Variants in MAGI2 observed in about 807,000 individuals in gnomAD.
The protein encoded by MAGI2 is membrane associated guanylate kinase, WW and PDZ domain containing 2.
In MAGI2, 35 loss-of-function variants were observed where a neutral mutation model predicts 133.3. That is an observed-to-expected ratio of 0.26 (90% CI 0.20 to 0.35). The LOEUF is 0.35. Ranked by LOEUF, MAGI2 falls within the 10% of genes least tolerant of loss-of-function variation. The pLI, the probability that MAGI2 is intolerant of heterozygous loss-of-function variation, is 1.00. For synonymous variants in MAGI2, 729 were observed against 710.6 expected, an observed-to-expected ratio of 1.03 and a Z score of -0.41; for missense variants, 1,636 against 1,863.4, an observed-to-expected ratio of 0.88 and a Z score of 2.25.
intron 1 of MAGI2, among the ~76,000 whole-genome samples, chr7:79,296,132 C>T (rs1836911862): frequency 6.6e-6 from 1 of 152,160 alleles, no homozygotes. Flanking sequence ...ATTGTGGCAT[C>T]TCTAAAAAGA....
chr7:79,233,914 A>G (rs1173845207), intron 1 of MAGI2, among the ~76,000 whole-genome samples: 4 of 151,176 alleles, frequency 2.6e-5, no homozygotes, highest in Non-Finnish European at 4.4e-5. Flanking sequence ...TTTTGGCTTG[A>G]TTTTGCAGCG....
intron 3 of MAGI2, among the ~76,000 whole-genome samples, chr7:78,595,243 G>T (rs1355830128): frequency 6.6e-6 from 1 of 152,084 alleles, no homozygotes; most frequent in Non-Finnish European, 1.5e-5. Flanking sequence ...TTGCCATGCT[G>T]CTTGGAGTCA....
intron 21 of MAGI2, among the ~76,000 whole-genome samples, chr7:78,047,289 G>A (rs77768279): frequency 2.5e-4 from 38 of 152,308 alleles, no homozygotes; most frequent in African/African-American, 8.9e-4. Flanking sequence ...TATGTATTTG[G>A]TCAGCTGTCT....
chr7:78,361,197 C>G (rs1197279099), intron 7 of MAGI2, among the ~76,000 whole-genome samples: 1 of 152,098 alleles, frequency 6.6e-6, no homozygotes, highest in East Asian at 1.9e-4. Context: ...AGTTCAAGAC[C>G]AGCCCGGCCA....
intron 2 of MAGI2, among the ~76,000 whole-genome samples, chr7:78,988,568 T>A (rs183095091): frequency 6.6e-6 from 1 of 152,262 alleles, no homozygotes; most frequent in African/African-American, 2.4e-5. Flanking sequence ...AAGCCCTGTG[T>A]TATTTTGCAG....
At chr7:78,742,254 G>C (rs11766208) in intron 2 of MAGI2, among the ~76,000 whole-genome samples, 3 of 151,988 alleles carry the variant, frequency 2.0e-5, no homozygotes, top group Non-Finnish European at 4.4e-5. Flanking sequence ...GGCCTAAAAA[G>C]GTTACCAATC....
At chr7:78,228,752 A>C (rs895005655) in intron 10 of MAGI2, among the ~76,000 whole-genome samples, 3 of 152,224 alleles carry the variant, frequency 2.0e-5, no homozygotes, top group African/African-American at 7.2e-5. Context: ...ACACTCATTA[A>C]ATATAATGTA....
chr7:78,998,015 T>C (rs1412945391), intron 2 of MAGI2, among the ~76,000 whole-genome samples: 2 of 152,302 alleles, frequency 1.3e-5, no homozygotes, highest in East Asian at 3.9e-4. Context: ...TCTCATTATG[T>C]TTATTTTCCC....
chr7:78,105,306 G>A (rs1330375388), intron 20 of MAGI2, among the ~76,000 whole-genome samples: 1 of 151,990 alleles, frequency 6.6e-6, no homozygotes, highest in Non-Finnish European at 1.5e-5. Context: ...AAACATTGCT[G>A]TTACAGACAT....
chr7:78,226,576 C>T (rs1789410537), intron 10 of MAGI2, among the ~76,000 whole-genome samples: 1 of 152,188 alleles, frequency 6.6e-6, no homozygotes, highest in Admixed American at 6.5e-5. Flanking sequence ...GTAATTGCCT[C>T]GGCCTACGTG....
chr7:78,071,375 A>G (rs1814676651), intron 21 of MAGI2, among the ~76,000 whole-genome samples: 1 of 152,126 alleles, frequency 6.6e-6, no homozygotes. Context: ...GTCTCTACTA[A>G]AAATACAAAA....
At chr7:78,745,250 A>G (rs544120246) in intron 2 of MAGI2, among the ~76,000 whole-genome samples, 1 of 152,284 alleles carries the variant, frequency 6.6e-6, no homozygotes, top group Admixed American at 6.5e-5. Flanking sequence ...AAAATGTACC[A>G]CAATGCCCAC....
intron 4 of MAGI2, among the ~76,000 whole-genome samples, chr7:78,504,728 A>AT (rs1222194158): frequency 6.6e-6 from 1 of 152,160 alleles, no homozygotes; most frequent in African/African-American, 2.4e-5. Context: ...ATATAATACT[A>AT]TTTTTTGCAA....
intron 2 of MAGI2, among the ~76,000 whole-genome samples, chr7:78,668,646 A>G (rs1226394365): frequency 1.3e-5 from 2 of 152,070 alleles, no homozygotes; most frequent in African/African-American, 4.8e-5. Flanking sequence ...TTTATTAAAT[A>G]GAGAATCCTT....
intron 1 of MAGI2, among the ~76,000 whole-genome samples, chr7:79,430,149 T>A (rs1847677359): frequency 6.6e-6 from 1 of 152,088 alleles, no homozygotes; most frequent in Admixed American, 6.5e-5. Context: ...ATAGGAAATA[T>A]CCAGATTTTA....
At chr7:78,455,351 T>C (rs555800887) in intron 6 of MAGI2, among the ~76,000 whole-genome samples, 3 of 152,294 alleles carry the variant, frequency 2.0e-5, no homozygotes, top group South Asian at 2.1e-4. Context: ...TTAAGAAATA[T>C]TGATTCTGTC....
chr7:79,093,395 T>C (rs6466493), intron 1 of MAGI2, among the ~76,000 whole-genome samples: 6,411 of 152,178 alleles, frequency 0.042, 431 homozygotes, highest in African/African-American at 0.14. Context: ...ACCACCACAA[T>C]AAAGCAAATA....
At chr7:78,853,333 T>C (rs13228934) in intron 2 of MAGI2, among the ~76,000 whole-genome samples, 1 of 25,752 alleles carries the variant, frequency 3.9e-5, no homozygotes, top group African/African-American at 1.4e-4. Flanking sequence ...CCATTCGTTC[T>C]TTTTTTTTTT....
chr7:78,126,426 T>C (rs891762920), intron 19 of MAGI2, among the ~76,000 whole-genome samples: 7 of 152,224 alleles, frequency 4.6e-5, no homozygotes, highest in African/African-American at 1.4e-4. Context: ...CAATTCATAA[T>C]AAAACACAAT....
Sources: gnomAD v4.1 joint callset for allele counts (sites outside exome capture counted in the v4.1 genomes callset) on GRCh38, gnomAD v4.1.1 for gene constraint, MANE v1.5 for transcripts, NCBI Gene and HGNC (gene_info 2026-07-23, HGNC 2026-07-21) for gene names.